ROBO2: variants seen among roughly 807,000 people sequenced by gnomAD.
The protein encoded by ROBO2 is roundabout guidance receptor 2.
A neutral mutation model predicts 160.8 loss-of-function variants in ROBO2; 53 were observed. That is an observed-to-expected ratio of 0.33 (90% CI 0.26 to 0.41). ROBO2 has a LOEUF of 0.41. Ranked by LOEUF, ROBO2 falls within the 10% of genes least tolerant of loss-of-function variation. The probability of loss-of-function intolerance (pLI) is 1.00; values close to 1 mark genes in which losing one functional copy is unlikely to be tolerated. For synonymous variants in ROBO2, 664 were observed against 611.7 expected, an observed-to-expected ratio of 1.09 and a Z score of -1.26; for missense variants, 1,577 against 1,722.4, an observed-to-expected ratio of 0.92 and a Z score of 1.49.
At chr3:76,807,910 A>G (rs1378581440) in intron 2 of ROBO2, among the ~76,000 whole-genome samples, 2 of 152,102 alleles carry the variant, frequency 1.3e-5, no homozygotes, top group Non-Finnish European at 2.9e-5. Flanking sequence ...TAGGACGGTT[A>G]ATGCCTAAAG....
At chr3:76,496,266 C>G (rs1162047381) in intron 2 of ROBO2, among the ~76,000 whole-genome samples, 1 of 152,194 alleles carries the variant, frequency 6.6e-6, no homozygotes, top group Non-Finnish European at 1.5e-5. Flanking sequence ...TCAATTCTTT[C>G]ATTTTCATCT....
intron 1 of ROBO2, among the ~76,000 whole-genome samples, chr3:75,928,220 G>C (rs1462800911): frequency 6.6e-6 from 1 of 151,878 alleles, no homozygotes; most frequent in Non-Finnish European, 1.5e-5. Context: ...TCCTGACCTC[G>C]TGATCCACAC....
intron 2 of ROBO2, among the ~76,000 whole-genome samples, chr3:77,206,710 CT>C (rs1209261938): frequency 6.6e-6 from 1 of 151,566 alleles, no homozygotes; most frequent in Non-Finnish European, 1.5e-5. Context: ...TAATGCTAGC[CT>C]TTTTTGCATG....
chr3:76,612,628 G>C (rs867778932), intron 2 of ROBO2, among the ~76,000 whole-genome samples: 1 of 152,094 alleles, frequency 6.6e-6, no homozygotes, highest in East Asian at 1.9e-4. Flanking sequence ...TGGGTTGATA[G>C]GTGCAGCAAA....
Position 76,250,962 on chromosome 3 carries a change from C to T in ROBO2, c.109+313360C>T, listed in dbSNP as rs1020101697. 8.6e-5 allele frequency among the ~76,000 whole-genome samples: 13 copies of T among 151,886 alleles called. 1 individual carries two copies. Among genetic ancestry groups the T allele is most frequent in the Admixed American group, 7.9e-4 (12 of 15,212 alleles). ...CTGAATTATTAGAGCTGTGTAAATC[C>T]CAGAAACTATAAAGGTGATAAGATA... On this transcript the variant is annotated intron_variant, in intron 2 of 26. Coordinates refer to the ROBO2 transcript ENST00000487694.
intron 2 of ROBO2, among the ~76,000 whole-genome samples, chr3:76,116,243 T>C (rs1438541010): frequency 2.0e-5 from 3 of 152,126 alleles, no homozygotes; most frequent in Non-Finnish European, 4.4e-5. Context: ...CTATTACATG[T>C]ATACCACAAA....
intron 2 of ROBO2, among the ~76,000 whole-genome samples, chr3:76,440,317 T>C (rs1208587688): frequency 6.6e-6 from 1 of 152,080 alleles, no homozygotes; most frequent in Non-Finnish European, 1.5e-5. Flanking sequence ...TTGTTACATA[T>C]GTATACATGT....
chr3:76,835,114 A>G (rs1280699481), intron 2 of ROBO2, among the ~76,000 whole-genome samples: 5 of 152,038 alleles, frequency 3.3e-5, no homozygotes, highest in Admixed American at 6.6e-5. Flanking sequence ...TAAGTTGATT[A>G]CCAAAAACGT....
At chr3:77,326,211 C>T (rs1445189430) in intron 2 of ROBO2, among the ~76,000 whole-genome samples, 1 of 152,146 alleles carries the variant, frequency 6.6e-6, no homozygotes, top group African/African-American at 2.4e-5. Context: ...CATTACAATA[C>T]TTACTTTAAC....
intron 2 of ROBO2, among the ~76,000 whole-genome samples, chr3:77,423,622 T>C (rs1318336456): frequency 1.3e-5 from 2 of 152,176 alleles, no homozygotes; most frequent in Non-Finnish European, 2.9e-5. Context: ...ACACTTACTT[T>C]TCATCTGTAT....
chr3:76,898,818 A>G (rs897112128), intron 2 of ROBO2, among the ~76,000 whole-genome samples: 2 of 152,144 alleles, frequency 1.3e-5, no homozygotes, highest in Non-Finnish European at 2.9e-5. Context: ...TTCTTAAATA[A>G]TATAAATATT....
intron 2 of ROBO2, among the ~76,000 whole-genome samples, chr3:76,798,242 A>G (rs1210124201): frequency 6.9e-6 from 1 of 145,918 alleles, no homozygotes; most frequent in Admixed American, 6.9e-5. Flanking sequence ...AGAAAGAAAA[A>G]AAGAAGAAAG....
chr3:77,595,484 G>A (rs558230061), intron 18 of ROBO2, among the ~76,000 whole-genome samples: 1 of 152,268 alleles, frequency 6.6e-6, no homozygotes, highest in Non-Finnish European at 1.5e-5. Flanking sequence ...AAATGAAGTT[G>A]CTGTTGTTTA....
At chr3:76,090,617 C>G (rs192799322) in intron 2 of ROBO2, among the ~76,000 whole-genome samples, 2 of 152,128 alleles carry the variant, frequency 1.3e-5, no homozygotes, top group African/African-American at 2.4e-5. Flanking sequence ...TACAGACAAG[C>G]AAAAGAATCA....
At chr3:77,586,519 T>C (rs1295680345) in intron 16 of ROBO2, among the ~76,000 whole-genome samples, 1 of 152,086 alleles carries the variant, frequency 6.6e-6, no homozygotes. Context: ...GCAAGAACAA[T>C]GGAGCATTAC....
intron 2 of ROBO2, among the ~76,000 whole-genome samples, chr3:76,070,961 GTTTT>G (rs1342011168): frequency 6.6e-6 from 1 of 152,184 alleles, no homozygotes; most frequent in Non-Finnish European, 1.5e-5. Flanking sequence ...TAGCCATCTA[GTTTT>G]TAATATACTG....
intron 2 of ROBO2, among the ~76,000 whole-genome samples, chr3:77,354,322 A>G (rs1427897035): frequency 1.3e-5 from 2 of 152,188 alleles, no homozygotes; most frequent in African/African-American, 4.8e-5. Context: ...TTAGTACAGA[A>G]TATTGCAGAA....
chr3:77,335,609 C>T (rs527800183), intron 2 of ROBO2, among the ~76,000 whole-genome samples: 3 of 152,300 alleles, frequency 2.0e-5, no homozygotes, highest in East Asian at 1.9e-4. Flanking sequence ...CATAATTGAC[C>T]TATCCCCTAC....
intron 2 of ROBO2, among the ~76,000 whole-genome samples, chr3:76,275,824 G>A (rs1195974524): frequency 1.3e-5 from 2 of 152,026 alleles, no homozygotes; most frequent in African/African-American, 4.8e-5. Flanking sequence ...ATTCCCACCT[G>A]TAAATGACTT....
Sources: allele counts gnomAD v4.1 joint callset (sites outside exome capture counted in the v4.1 genomes callset), GRCh38; gene constraint gnomAD v4.1.1; transcripts MANE v1.5; gene names NCBI Gene and HGNC (gene_info 2026-07-23, HGNC 2026-07-21).